The following PCDH15 variants were observed in gnomAD, a reference collection of about 807,000 sequenced individuals.
PCDH15 encodes protocadherin-15.
A neutral mutation model predicts 178.5 loss-of-function variants in PCDH15; 129 were observed. The observed-to-expected ratio is 0.72, with a 90% CI of 0.63 to 0.84. PCDH15 has a LOEUF of 0.84. Among genes scored for constraint, PCDH15 ranks in the 40% least tolerant of loss-of-function variants. The pLI, the probability that PCDH15 is intolerant of heterozygous loss-of-function variation, is 0.00. For synonymous variants in PCDH15, 800 were observed against 732.0 expected, an observed-to-expected ratio of 1.09 and a Z score of -1.50; for missense variants, 2,230 against 2,099.9, an observed-to-expected ratio of 1.06 and a Z score of -1.21.
chr10:54,416,012 G>C (rs913079924), intron 3 of PCDH15, among the ~76,000 whole-genome samples: 12 of 151,972 alleles, frequency 7.9e-5, no homozygotes, highest in Non-Finnish European at 1.0e-4. Context: ...TGCCCAGGCT[G>C]GAGTGCAGTA....
intron 1 of PCDH15, among the ~76,000 whole-genome samples, chr10:54,748,810 G>C (rs187432241): frequency 6.6e-6 from 1 of 152,152 alleles, no homozygotes; most frequent in Admixed American, 6.6e-5. Context: ...ACTCATTTAA[G>C]TGGAGGATTT....
At chr10:54,493,339 A>T (rs1305452419) in intron 3 of PCDH15, among the ~76,000 whole-genome samples, 2 of 152,036 alleles carry the variant, frequency 1.3e-5, no homozygotes, top group Non-Finnish European at 1.5e-5. Context: ...CATAGAATGG[A>T]TAGATTATGG....
At chr10:55,271,970 T>C (rs1241759552) in intron 1 of PCDH15, among the ~76,000 whole-genome samples, 1 of 152,142 alleles carries the variant, frequency 6.6e-6, no homozygotes, top group African/African-American at 2.4e-5. Flanking sequence ...ATGGTATTTA[T>C]CTAGAATAAA....
At chr10:55,159,714 TATAG>T (rs1199189659) in intron 2 of PCDH15, among the ~76,000 whole-genome samples, 3 of 147,838 alleles carry the variant, frequency 2.0e-5, no homozygotes, top group African/African-American at 7.4e-5. Context: ...CTATATTATA[TATAG>T]ATATTGTATA....
At chr10:55,218,333 G>A (rs1014173323) in intron 1 of PCDH15, among the ~76,000 whole-genome samples, 28 of 151,828 alleles carry the variant, frequency 1.8e-4, no homozygotes, top group African/African-American at 6.8e-4. Flanking sequence ...CAGTAGCCAC[G>A]AGTTAACGAA....
At chr10:53,822,396 A>G (rs566022176) in intron 32 of PCDH15, 1 of 1,572,678 alleles carries the variant, frequency 6.4e-7, no homozygotes, top group African/African-American at 1.4e-5. Flanking sequence ...AGGAGGACAA[A>G]AAAGAGAAAA....
At chr10:54,199,331 G>C (rs2049999169) in intron 10 of PCDH15, among the ~76,000 whole-genome samples, 1 of 151,948 alleles carries the variant, frequency 6.6e-6, no homozygotes, top group African/African-American at 2.4e-5. Flanking sequence ...AGAAAGGTTA[G>C]TTTTATATTC....
intron 2 of PCDH15, among the ~76,000 whole-genome samples, chr10:55,547,910 TGA>T (rs763752387): frequency 0.032 from 1,752 of 54,514 alleles, 59 homozygotes; most frequent in African/African-American, 0.089. Flanking sequence ...TGTGTGTGTG[TGA>T]GAGAGAGAGA....
At chr10:54,450,130 A>AATATATATATATATATATATATAT (rs10526141) in intron 3 of PCDH15, among the ~76,000 whole-genome samples, 9 of 137,218 alleles carry the variant, frequency 6.6e-5, no homozygotes, top group African/African-American at 1.7e-4. Flanking sequence ...CTTTTTTATA[A>AATATATATATATATATATATATAT]ATATATATAT....
intron 3 of PCDH15, among the ~76,000 whole-genome samples, chr10:54,394,666 G>GGT: frequency 6.6e-6 from 1 of 152,206 alleles, no homozygotes; most frequent in Non-Finnish European, 1.5e-5. Context: ...CAGGAGACAG[G>GGT]GTTTTGAGAT....
At chr10:54,473,521 C>A (rs1477395707) in intron 3 of PCDH15, among the ~76,000 whole-genome samples, 1 of 152,114 alleles carries the variant, frequency 6.6e-6, no homozygotes, top group Admixed American at 6.6e-5. Flanking sequence ...TCCTACTTAA[C>A]TTCACAGTTT....
intron 2 of PCDH15, among the ~76,000 whole-genome samples, chr10:55,548,857 A>C (rs1841945810): frequency 6.6e-6 from 1 of 152,126 alleles, no homozygotes; most frequent in South Asian, 2.1e-4. Context: ...TAGAAAAATG[A>C]CAGCTGAAGT....
intron 1 of PCDH15, among the ~76,000 whole-genome samples, chr10:54,792,630 C>T (rs1279367329): frequency 1.3e-5 from 2 of 151,828 alleles, no homozygotes; most frequent in Admixed American, 6.6e-5. Flanking sequence ...GAGTCCTTTA[C>T]CATCAGACTT....
chr10:54,714,917 G>A (rs1456141605), intron 1 of PCDH15, among the ~76,000 whole-genome samples: 5 of 152,116 alleles, frequency 3.3e-5, no homozygotes, highest in African/African-American at 1.2e-4. Flanking sequence ...TTAACATCAT[G>A]TTGTGTGGTA....
At chr10:54,034,842 G>T (rs561411821) in intron 18 of PCDH15, among the ~76,000 whole-genome samples, 6 of 151,832 alleles carry the variant, frequency 4.0e-5, no homozygotes, top group Admixed American at 2.0e-4. Flanking sequence ...TTCTTTAATT[G>T]TGGTGTAAAC....
At chr10:54,268,813 G>A (rs1375391792) in intron 8 of PCDH15, among the ~76,000 whole-genome samples, 1 of 151,856 alleles carries the variant, frequency 6.6e-6, no homozygotes, top group Non-Finnish European at 1.5e-5. Flanking sequence ...TCTGGTGGTT[G>A]AGGAAATCTT....
At chr10:54,709,536 A>G (rs1222260831) in intron 1 of PCDH15, among the ~76,000 whole-genome samples, 1 of 148,464 alleles carries the variant, frequency 6.7e-6, no homozygotes, top group Non-Finnish European at 1.5e-5. Flanking sequence ...GGTCTTTAGT[A>G]TATGCCTGGC....
intron 2 of PCDH15, among the ~76,000 whole-genome samples, chr10:54,554,033 T>C (rs1318441145): frequency 6.6e-6 from 1 of 152,220 alleles, no homozygotes; most frequent in East Asian, 1.9e-4. Context: ...AAGAGGCTAC[T>C]TGGTGAAATT....
In PCDH15 at chr10:54,317,438, G is replaced by C. The variant is rs200798008; in HGVS notation, c.709C>G (p.Arg237Gly). The change falls in exon 8 of 38, where the codon CGT becomes GGT. Residue 237 changes from arginine to glycine, a missense_variant. Transcript: ENST00000644397. ...RYFVIIQAND[R>G]AQNLNERRTT... ...CGCCTCTCATTCAGATTTTGGGCAC[G>C]GTCCTGTTAGGGAGAAAAACAAACA... The C allele has an allele frequency of 1.2e-6, 2 of 1,613,684 alleles. No homozygotes were observed. Among genetic ancestry groups the C allele is most frequent in the South Asian group, 1.1e-5 (1 of 91,072 alleles).
Sources: gnomAD v4.1 joint callset for allele counts (sites outside exome capture counted in the v4.1 genomes callset) on GRCh38, gnomAD v4.1.1 for gene constraint, MANE v1.5 for transcripts, NCBI Gene and HGNC (gene_info 2026-07-23, HGNC 2026-07-21) for gene names.